TMIE: variants seen among roughly 807,000 people sequenced by gnomAD.
The protein encoded by TMIE is transmembrane inner ear expressed protein.
A neutral mutation model predicts 16.8 loss-of-function variants in TMIE; 14 were observed. The observed-to-expected ratio is 0.83, with a 90% confidence interval of 0.55 to 1.30. The LOEUF (loss-of-function observed/expected upper bound fraction) is 1.30, where lower values mean the gene tolerates loss of function less well. Ranked by LOEUF, TMIE falls within the 50% of genes most tolerant of loss-of-function variation. TMIE has a pLI of 0.00. For synonymous variants in TMIE, 75 were observed against 87.2 expected (o/e 0.86, Z 0.78); for missense variants, 204 against 205.9 (o/e 0.99, Z 0.06).
At chr3:46,709,091 C>A in intron 2 of TMIE, 35 bp from the exon 3 acceptor site, 1 of 1,613,400 alleles carries the variant, frequency 6.2e-7, no homozygotes, top group Non-Finnish European at 8.5e-7. Flanking sequence ...CTCTGAACCC[C>A]AGCCCCAGCC....
chr3:46,703,550 T>G lies in TMIE; in HGVS notation c.93+1970T>G, dbSNP rs148066022. 5.1e-3 allele frequency among the ~76,000 whole-genome samples: 774 copies of G among 152,198 alleles called. 7 individuals carry two copies. The highest frequency in any genetic ancestry group is 0.018 in the African/African-American group (737 of 41,508). Reference sequence around the variant, plus strand: ...ATGCCAACCACACATGTGCCCAACCTCACACATGTTCCCCAACTTTATGTA... The same window carrying G: ...ATGCCAACCACACATGTGCCCAACCGCACACATGTTCCCCAACTTTATGTA... On this transcript the variant is annotated intron_variant, in intron 1 of 3. Coordinates refer to ENST00000643606, the MANE Select transcript of TMIE (RefSeq NM_147196.3).
chr3:46,706,110 T>G (rs1177290879), intron 2 of TMIE, among the ~76,000 whole-genome samples: 3 of 152,230 alleles, frequency 2.0e-5, no homozygotes, highest in Non-Finnish European at 4.4e-5. Flanking sequence ...TGAAGTATTC[T>G]GCAGGACCCA....
At chr3:46,709,485 G>C in intron 3 of TMIE, 94 bp from the exon 4 acceptor site, 2 of 1,612,944 alleles carry the variant, frequency 1.2e-6, no homozygotes, top group Non-Finnish European at 1.7e-6. Flanking sequence ...AAAAGGCAGA[G>C]TGTAGGAGGT....
intron 2 of TMIE, among the ~76,000 whole-genome samples, chr3:46,706,183 C>T (rs973069093): frequency 3.3e-5 from 5 of 152,192 alleles, no homozygotes; most frequent in South Asian, 2.1e-4. Flanking sequence ...AGGACTGGGA[C>T]GAGGACGTGT....
At chr3:46,704,467 G>A (rs1700520569) in intron 1 of TMIE, among the ~76,000 whole-genome samples, 1 of 145,138 alleles carries the variant, frequency 6.9e-6, no homozygotes, top group South Asian at 2.3e-4. Flanking sequence ...TAGACACCCA[G>A]GGCAGGACCA....
At chr3:46,706,735 G>A (rs1700557197) in intron 2 of TMIE, among the ~76,000 whole-genome samples, 1 of 152,214 alleles carries the variant, frequency 6.6e-6, no homozygotes, top group African/African-American at 2.4e-5. Flanking sequence ...TTGCAGGAGG[G>A]AAGGCTGGAA....
upstream of TMIE, among the ~76,000 whole-genome samples, chr3:46,700,755 T>G (rs1700460457): frequency 6.6e-6 from 1 of 151,968 alleles, no homozygotes; most frequent in Non-Finnish European, 1.5e-5. Flanking sequence ...GAAGTCAGAG[T>G]CAGTGTTCAG....
chr3:46,696,384 C>A (rs576861384), intron 1 of TMIE, among the ~76,000 whole-genome samples: 3 of 152,338 alleles, frequency 2.0e-5, no homozygotes, highest in Admixed American at 6.5e-5. Context: ...CCCATGTGCA[C>A]CAGTGCCTTA....
At chr3:46,698,205 C>T (rs144194288), upstream of TMIE, among the ~76,000 whole-genome samples, 312 of 152,060 alleles carry the variant, frequency 2.1e-3, 2 homozygotes, top group African/African-American at 7.0e-3. Flanking sequence ...CACGTGCTAC[C>T]GGCTAATGTT....
intron 1 of TMIE, among the ~76,000 whole-genome samples, chr3:46,704,196 AG>A (rs771068930): frequency 6.9e-6 from 1 of 144,958 alleles, no homozygotes; most frequent in Non-Finnish European, 1.5e-5. Context: ...CTAGACACCC[AG>A]GGTGAAGCAT....
upstream of TMIE, among the ~76,000 whole-genome samples, chr3:46,700,147 G>A (rs1452667819): frequency 6.6e-6 from 1 of 152,220 alleles, no homozygotes; most frequent in African/African-American, 2.4e-5. Flanking sequence ...CATGCCTGGG[G>A]AGGACTGGGT....
At chr3:46,706,462 G>A (rs184795129) in intron 2 of TMIE, among the ~76,000 whole-genome samples, 192 of 152,320 alleles carry the variant, frequency 1.3e-3, no homozygotes, top group African/African-American at 4.2e-3. Context: ...GGGCTTGGCC[G>A]GCTCCCCTTA....
In TMIE at chr3:46,710,562, G is replaced by A. The variant is rs1700609363; in HGVS notation, c.*874G>A. The A allele has an allele frequency of 6.6e-6, 1 of 152,268 alleles. No individual in the cohort carries two copies. The highest frequency in any genetic ancestry group is 2.4e-5 in the African/African-American group (1 of 41,446). 9.4% of individuals were successfully genotyped at this position (152,268 alleles called of 1,614,324 possible). On this transcript the variant is annotated 3_prime_UTR_variant, in exon 4 of 4. Transcript: ENST00000643606. Reference sequence around the variant, plus strand: ...GCCCCTTCTATGCCCAGCTGTGCTGGGAGGTCCCAGGGCCCTAGAAGATCA... The same window carrying A: ...GCCCCTTCTATGCCCAGCTGTGCTGAGAGGTCCCAGGGCCCTAGAAGATCA...
At chr3:46,695,741 G>C (rs928970603) in intron 1 of TMIE, among the ~76,000 whole-genome samples, 1 of 152,150 alleles carries the variant, frequency 6.6e-6, no homozygotes, top group Non-Finnish European at 1.5e-5. Flanking sequence ...GCCTGGGCTC[G>C]AGCAGGAAGG....
At chr3:46,694,841 T>A (rs1200597177) in intron 1 of TMIE, among the ~76,000 whole-genome samples, 3 of 152,036 alleles carry the variant, frequency 2.0e-5, no homozygotes, top group Non-Finnish European at 4.4e-5. Flanking sequence ...TGCTTCTCCA[T>A]CCCTCCCCAC....
chr3:46,708,916 G>A (rs1700586234), intron 2 of TMIE, among the ~76,000 whole-genome samples: 1 of 152,266 alleles, frequency 6.6e-6, no homozygotes, highest in South Asian at 2.1e-4. Flanking sequence ...ACGGGGGCCT[G>A]TGCAGCTGCA....
chr3:46,707,379 A>G (rs191464230), intron 2 of TMIE, among the ~76,000 whole-genome samples: 55 of 152,332 alleles, frequency 3.6e-4, no homozygotes, highest in Admixed American at 1.0e-3. Flanking sequence ...CATTTCCTAG[A>G]AAGGGTAAAG....
intron 1 of TMIE, among the ~76,000 whole-genome samples, chr3:46,703,921 C>T (rs1424705176): frequency 1.3e-5 from 2 of 152,164 alleles, no homozygotes; most frequent in Non-Finnish European, 1.5e-5. Context: ...GTAATCAGTG[C>T]ACAACATCTC....
upstream of TMIE, among the ~76,000 whole-genome samples, chr3:46,698,726 A>C (rs990232683): frequency 6.6e-6 from 1 of 152,236 alleles, no homozygotes; most frequent in Non-Finnish European, 1.5e-5. Flanking sequence ...TAGGACATAT[A>C]AAGCTATGAA....
Sources: allele counts gnomAD v4.1 joint callset (sites outside exome capture counted in the v4.1 genomes callset), GRCh38; gene constraint gnomAD v4.1.1; transcripts MANE v1.5; gene names NCBI Gene and HGNC (gene_info 2026-07-23, HGNC 2026-07-21).